FRY: variants seen among roughly 807,000 people sequenced by gnomAD.
FRY encodes protein furry homolog.
A neutral mutation model predicts 348.4 loss-of-function variants in FRY; 128 were observed. The ratio of observed to expected loss-of-function variants is 0.37; its 90% CI spans 0.32 to 0.43. The LOEUF is 0.43. Ranked by LOEUF, FRY falls within the 20% of genes least tolerant of loss-of-function variation. The probability of loss-of-function intolerance (pLI) is 1.00; values close to 1 mark genes in which losing one functional copy is unlikely to be tolerated. For missense variants in FRY, 2,736 were observed against 3,695.2 expected (o/e 0.74, Z 6.73); for synonymous variants, 1,370 against 1,374.7 (o/e 1.00, Z 0.08).
chr13:32,250,793 A>T (rs17592746), intron 49 of FRY, among the ~76,000 whole-genome samples: 36,270 of 152,152 alleles, frequency 0.24, 4,915 homozygotes, highest in Non-Finnish European at 0.31. Context: ...GCCGGCTGCA[A>T]CAGAGCAGGT....
intron 1 of FRY, among the ~76,000 whole-genome samples, chr13:32,063,176 G>A (rs1284547945): frequency 6.6e-6 from 1 of 152,172 alleles, no homozygotes; most frequent in African/African-American, 2.4e-5. Flanking sequence ...AAAGATGGCA[G>A]TTGCTGGCAC....
At chr13:32,065,184 G>A (rs1024498433) in intron 1 of FRY, among the ~76,000 whole-genome samples, 1 of 152,024 alleles carries the variant, frequency 6.6e-6, no homozygotes, top group Admixed American at 6.6e-5. Flanking sequence ...ATTATGAAGT[G>A]TTAAACCCAA....
At chr13:32,124,435 G>A (rs1878900372) in intron 5 of FRY, 59 bp downstream of exon 5, 19 of 1,016,062 alleles carry the variant, frequency 1.9e-5, no homozygotes, top group South Asian at 1.4e-4. Context: ...AAACTACTTA[G>A]GTTGTAAAAG....
chr13:32,184,386 A>G (rs953212479), intron 24 of FRY, among the ~76,000 whole-genome samples: 22 of 152,000 alleles, frequency 1.4e-4, no homozygotes, highest in African/African-American at 4.8e-4. Context: ...GCCACCTAAT[A>G]TTTACTGACC....
intron 16 of FRY, 81 bp from the exon 17 acceptor site, chr13:32,161,063 C>A: frequency 1.1e-6 from 1 of 923,068 alleles, no homozygotes; most frequent in Non-Finnish European, 1.8e-6. Flanking sequence ...GGATTCTAGT[C>A]TTTGTTCATG....
intron 4 of FRY, among the ~76,000 whole-genome samples, chr13:32,118,793 G>C (rs760583178): frequency 6.6e-6 from 1 of 152,004 alleles, no homozygotes; most frequent in African/African-American, 2.4e-5. Context: ...TTTAAAAATA[G>C]AATTTAAATT....
chr13:32,039,446 T>A (rs1872666704), intron 1 of FRY, among the ~76,000 whole-genome samples: 1 of 152,150 alleles, frequency 6.6e-6, no homozygotes, highest in East Asian at 1.9e-4. Context: ...GGGCTATGTC[T>A]GTCTGTCTCT....
At chr13:32,139,065 AT>A (rs1470394027) in intron 11 of FRY, among the ~76,000 whole-genome samples, 1 of 152,228 alleles carries the variant, frequency 6.6e-6, no homozygotes, top group Non-Finnish European at 1.5e-5. Context: ...AATATCCTTG[AT>A]AAGATAAAAA....
At chr13:32,288,127 CA>C (rs1433628195) in intron 58 of FRY, among the ~76,000 whole-genome samples, 1 of 152,126 alleles carries the variant, frequency 6.6e-6, no homozygotes, top group African/African-American at 2.4e-5. Flanking sequence ...TAATAATTAC[CA>C]TGATTTGGCA....
intron 57 of FRY, 132 bp downstream of exon 57, chr13:32,276,694 A>G: frequency 1.4e-6 from 1 of 707,986 alleles, no homozygotes. Context: ...AAGGATTACA[A>G]TTCCAATTTA....
In FRY at chr13:32,224,332, C is replaced by G. The variant is rs750809472; in HGVS notation, c.4863C>G (p.Ala1621=). 1 of 1,613,950 alleles carries G rather than the reference C, an allele frequency of 6.2e-7. No homozygotes were observed. Among genetic ancestry groups the G allele is most frequent in the South Asian group, 1.1e-5 (1 of 91,072 alleles). Residue 1621 remains alanine, a synonymous_variant, in exon 37 of 61, where the codon GCC becomes GCG. Coordinates refer to ENST00000542859, the MANE Select transcript of FRY (RefSeq NM_023037.3). ...LPMPCTGGCW[A]PLVDYLPETI... Reference sequence around the variant, plus strand: ...TGCCTTGTACTGGAGGATGCTGGGCCCCCCTGGTTGACTATCTCCCGGAGA... The same window carrying G: ...TGCCTTGTACTGGAGGATGCTGGGCGCCCCTGGTTGACTATCTCCCGGAGA...
chr13:32,255,425 A>G lies in FRY; in HGVS notation c.7416+1031A>G, dbSNP rs988943767. On this transcript the variant is annotated intron_variant, in intron 51 of 60. Coordinates refer to ENST00000542859, the MANE Select transcript of FRY (RefSeq NM_023037.3). ...GATTTTATTATTGACCAACCCGCCT[A>G]TGTCTAATTGAAGCCAAAGAGCCCT... 2.6e-5 allele frequency among the ~76,000 whole-genome samples: 4 copies of G among 152,168 alleles called. No individual in the cohort carries two copies. In the East Asian group the frequency reaches 7.7e-4, roughly 29 times the overall value.
At chr13:32,240,780 A>G (rs1248494870) in intron 46 of FRY, among the ~76,000 whole-genome samples, 3 of 152,194 alleles carry the variant, frequency 2.0e-5, no homozygotes, top group Non-Finnish European at 2.9e-5. Flanking sequence ...AGCACCTTTC[A>G]GAAGAGATGA....
At chr13:32,066,072 A>G (rs544605761) in intron 1 of FRY, among the ~76,000 whole-genome samples, 8 of 152,334 alleles carry the variant, frequency 5.3e-5, no homozygotes, top group Admixed American at 1.3e-4. Flanking sequence ...CCTAATATCC[A>G]GTCCATACTC....
Position 32,274,959 on chromosome 13 carries a change from G to A in FRY, c.8254G>A (p.Glu2752Lys). 6.2e-7 allele frequency: 1 copy of A among 1,613,896 alleles called. No individual in the cohort carries two copies. The highest frequency in any genetic ancestry group is 8.5e-7 in the Non-Finnish European group (1 of 1,179,866). ...SSSQMLTSCS[E>K]CPTLFVDAET... ...TTCCCAGATGCTCACCTCCTGCTCT[G>A]AATGTCCTACACTTTTTGTGGATGC... Residue 2752 changes from glutamate to lysine, a missense_variant, in exon 56 of 61, where the codon GAA becomes AAA. Around this residue, in one of 9 missense-constraint regions of FRY, gnomAD observed 789 missense variants for 996.2 expected, o/e 0.79. Transcript: ENST00000542859.
At chr13:32,053,903 T>A (rs1354744588) in intron 1 of FRY, among the ~76,000 whole-genome samples, 1 of 152,092 alleles carries the variant, frequency 6.6e-6, no homozygotes, top group Non-Finnish European at 1.5e-5. Flanking sequence ...ACAAGGAGAA[T>A]CGCTTGAACC....
intron 39 of FRY, among the ~76,000 whole-genome samples, chr13:32,227,379 G>T (rs968594851): frequency 6.6e-6 from 1 of 152,134 alleles, no homozygotes; most frequent in African/African-American, 2.4e-5. Flanking sequence ...TAAATTCCCT[G>T]AGGCTACACT....
chr13:32,279,014 G>A (rs1888685383), intron 58 of FRY, among the ~76,000 whole-genome samples: 1 of 152,184 alleles, frequency 6.6e-6, no homozygotes, highest in Non-Finnish European at 1.5e-5. Flanking sequence ...AGTAAGAATG[G>A]ATGAAAATCA....
rs1008179686 is a variant in FRY, at chr13:32,295,777, A to G, written c.*317A>G. 53 of 363,222 alleles carry G rather than the reference A, an allele frequency of 1.5e-4. No individual in the cohort carries two copies. The East Asian group carries it at 1.8e-3, about 12-fold the overall frequency. 22.5% of individuals were successfully genotyped at this position (363,222 alleles called of 1,614,324 possible). A position where few individuals can be genotyped will look rare whatever the true frequency, so the allele number is the denominator to read the frequency against. ...CATACCAAAGCCGACTACACTGAAC[A>G]GTACCTTCCTTTCTAGAAACAATTT... On this transcript the variant is annotated 3_prime_UTR_variant, in exon 61 of 61. Coordinates refer to ENST00000542859, the MANE Select transcript of FRY (RefSeq NM_023037.3).
Sources: gnomAD v4.1 joint callset for allele counts (sites outside exome capture counted in the v4.1 genomes callset) on GRCh38, gnomAD v4.1.1 for gene constraint, gnomAD v4.1.1 regional missense constraint, MANE v1.5 for transcripts, NCBI Gene and HGNC (gene_info 2026-07-23, HGNC 2026-07-21) for gene names.